The following ATP9A variants were observed in gnomAD, a reference collection of about 807,000 sequenced individuals.
ATP9A encodes ATPase phospholipid transporting 9A.
A neutral mutation model predicts 144.1 loss-of-function variants in ATP9A; 52 were observed. The observed-to-expected ratio is 0.36, with a 90% CI of 0.29 to 0.45. The LOEUF is 0.45. Among genes scored for constraint, ATP9A ranks in the 20% least tolerant of loss-of-function variants. The pLI is 1.00. For missense variants in ATP9A, 947 were observed against 1,392.7 expected, an observed-to-expected ratio of 0.68 and a Z score of 5.09; for synonymous variants, 582 against 557.4, an observed-to-expected ratio of 1.04 and a Z score of -0.62.
intron 4 of ATP9A, among the ~76,000 whole-genome samples, chr20:51,699,578 T>C (rs1187334233): frequency 2.0e-5 from 3 of 152,196 alleles, no homozygotes; most frequent in South Asian, 4.1e-4. Flanking sequence ...TCGTTAAATC[T>C]TGTCATTAAA....
chr20:51,699,565 G>A (rs892325464), intron 4 of ATP9A, among the ~76,000 whole-genome samples: 4 of 152,044 alleles, frequency 2.6e-5, no homozygotes, highest in Admixed American at 2.0e-4. Flanking sequence ...TAATTTTTGT[G>A]TGTCGTTAAA....
chr20:51,618,036 A>T (rs998385984), intron 21 of ATP9A, among the ~76,000 whole-genome samples: 13 of 152,098 alleles, frequency 8.5e-5, no homozygotes, highest in African/African-American at 3.1e-4. Context: ...CCTGGCCAAC[A>T]TGGAGAAACC....
Position 51,597,582 on chromosome 20 carries a change from A to AT in ATP9A, c.*3628dup, listed in dbSNP as rs1183601908. 1 of 152,188 alleles carries AT rather than the reference A, an allele frequency of 6.6e-6. No individual in the cohort carries two copies. The highest frequency in any genetic ancestry group is 6.5e-5 in the Admixed American group (1 of 15,278). The allele number at this position is 152,188 out of a possible 1,614,324, so 9.4% of individuals were successfully genotyped here. On this transcript the variant is annotated 3_prime_UTR_variant, in exon 28 of 28. Coordinates refer to ENST00000338821, the MANE Select transcript of ATP9A (RefSeq NM_006045.3). ...TTCAAACATACAGAAAAGGTTAAAG[A>AT]TAAAAATAGCTGATAGGTGTTTAAG...
chr20:51,695,614 T>G (rs914404719), intron 6 of ATP9A, among the ~76,000 whole-genome samples: 6 of 151,840 alleles, frequency 4.0e-5, no homozygotes, highest in Non-Finnish European at 7.4e-5. Context: ...CAGGCTACAA[T>G]AAATAAATCA....
In ATP9A at chr20:51,676,220, A is replaced by T. The variant is rs1248136947; in HGVS notation, c.800-12T>A. 6.4e-7 allele frequency: 1 copy of T among 1,565,348 alleles called. No individual in the cohort carries two copies. The highest frequency in any genetic ancestry group is 2.3e-5 in the East Asian group (1 of 44,266). ...ACCCACAACAGTACCTAAAATGGAA[A>T]AAAGAAAAAAAAAAAAAGAAAAGAA... On this transcript the variant is annotated splice_polypyrimidine_tract_variant and intron_variant, in intron 9 of 27. Transcript: ENST00000338821.
At chr20:51,740,437 C>T (rs936697142) in intron 1 of ATP9A, among the ~76,000 whole-genome samples, 5 of 120,254 alleles carry the variant, frequency 4.2e-5, no homozygotes, top group African/African-American at 1.2e-4. Flanking sequence ...AGGCCAGGCG[C>T]GGTGGCTCAC....
intron 1 of ATP9A, among the ~76,000 whole-genome samples, chr20:51,738,541 TA>T (rs1374362871): frequency 1.3e-5 from 2 of 150,524 alleles, no homozygotes; most frequent in Non-Finnish European, 3.0e-5. Flanking sequence ...CTGTCTCTAC[TA>T]AAAATACAAA....
At chr20:51,671,927 T>C (rs923320917) in intron 11 of ATP9A, among the ~76,000 whole-genome samples, 1 of 151,818 alleles carries the variant, frequency 6.6e-6, no homozygotes, top group African/African-American at 2.4e-5. Flanking sequence ...GCCTCCAGAG[T>C]AGATGGGATT....
At chr20:51,639,528 G>C in intron 14 of ATP9A, 24 bp from the exon 15 acceptor site, 1 of 1,586,208 alleles carries the variant, frequency 6.3e-7, no homozygotes, top group Non-Finnish European at 8.6e-7. Flanking sequence ...AGGGTCGAAG[G>C]TCAGATGCCC....
At chr20:51,645,357 T>C (rs2077337864) in intron 14 of ATP9A, among the ~76,000 whole-genome samples, 1 of 152,102 alleles carries the variant, frequency 6.6e-6, no homozygotes, top group African/African-American at 2.4e-5. Flanking sequence ...CTGTCTCTAC[T>C]AAAGATACAA....
At chr20:51,642,148 GTTTGT>G (rs549930174) in intron 14 of ATP9A, among the ~76,000 whole-genome samples, 1 of 150,788 alleles carries the variant, frequency 6.6e-6, no homozygotes, top group African/African-American at 2.4e-5. Flanking sequence ...GTTTTTTTTT[GTTTGT>G]TTTGTTTTGT....
chr20:51,711,852 AT>A (rs11469394), intron 4 of ATP9A, among the ~76,000 whole-genome samples: 2,090 of 120,912 alleles, frequency 0.017, 19 homozygotes, highest in East Asian at 0.066. Context: ...TTCAATTTCA[AT>A]TTTTTTTTTT....
intron 18 of ATP9A, among the ~76,000 whole-genome samples, chr20:51,622,617 T>G (rs758045236): frequency 8.5e-5 from 13 of 152,120 alleles, no homozygotes; most frequent in Non-Finnish European, 1.3e-4. Flanking sequence ...CCTTCTGGGG[T>G]TTAACTCAGC....
At chr20:51,713,221 C>T (rs2077647714) in intron 3 of ATP9A, 147 bp from the exon 4 acceptor site, 22 of 682,380 alleles carry the variant, frequency 3.2e-5, no homozygotes, top group East Asian at 2.2e-4. Flanking sequence ...CAAATGCACA[C>T]GCCGCTGCAA....
intron 9 of ATP9A, among the ~76,000 whole-genome samples, chr20:51,682,511 C>T (rs1378947851): frequency 6.7e-6 from 1 of 149,144 alleles, no homozygotes; most frequent in Non-Finnish European, 1.5e-5. Context: ...CTCTTTATTC[C>T]ACCCAAAGAG....
At chr20:51,744,108 A>T (rs1173068255) in intron 1 of ATP9A, among the ~76,000 whole-genome samples, 1 of 152,182 alleles carries the variant, frequency 6.6e-6, no homozygotes, top group Admixed American at 6.5e-5. Flanking sequence ...GTAAGTTTAT[A>T]AATAACTTCG....
At chr20:51,674,867 G>A (rs2077470610) in intron 10 of ATP9A, among the ~76,000 whole-genome samples, 3 of 152,096 alleles carry the variant, frequency 2.0e-5, no homozygotes, top group Non-Finnish European at 4.4e-5. Flanking sequence ...TTGTCACCCA[G>A]GCTGGAATGC....
At chr20:51,616,801 G>T (rs918460470) in intron 22 of ATP9A, among the ~76,000 whole-genome samples, 1 of 152,160 alleles carries the variant, frequency 6.6e-6, no homozygotes. Flanking sequence ...GCCTTTTGGT[G>T]AGAAGTGAAC....
Position 51,613,071 on chromosome 20 carries a change from A to ATTCAGC in ATP9A, c.2571+600_2571+605dup, listed in dbSNP as rs201581890. Among the ~76,000 whole-genome samples the ATTCAGC allele has an allele frequency of 9.4e-3, 1,428 of 152,156 alleles. 6 individuals are homozygous for ATTCAGC. The highest frequency in any genetic ancestry group is 0.01 in the Middle Eastern group (3 of 294). The stretch of plus-strand genomic sequence containing the variant: ...GGGACACCACAAATTTCTCATCCAT[A>ATTCAGC]TTCAGCCTCAGCCTCCCCATCCGTA... On this transcript the variant is annotated intron_variant, in intron 23 of 27. Coordinates refer to ENST00000338821, the MANE Select transcript of ATP9A (RefSeq NM_006045.3).
Sources: gnomAD v4.1 joint callset for allele counts (sites outside exome capture counted in the v4.1 genomes callset) on GRCh38, gnomAD v4.1.1 for gene constraint, MANE v1.5 for transcripts, NCBI Gene and HGNC (gene_info 2026-07-23, HGNC 2026-07-21) for gene names.